TMCC3: variants seen among roughly 807,000 people sequenced by gnomAD.
The protein encoded by TMCC3 is transmembrane and coiled-coil domain protein 3.
In TMCC3, 28 loss-of-function variants were observed where a neutral mutation model predicts 40.2. That is an observed-to-expected ratio of 0.70 (90% CI 0.52 to 0.95). The LOEUF (loss-of-function observed/expected upper bound fraction) is 0.95, where lower values mean the gene tolerates loss of function less well. TMCC3 is among the 40% of genes least tolerant of loss of function. TMCC3 has a pLI of 0.00. For missense variants in TMCC3, 554 were observed against 615.2 expected (o/e 0.90, Z 1.05); for synonymous variants, 255 against 248.5 (o/e 1.03, Z -0.25).
intron 1 of TMCC3, among the ~76,000 whole-genome samples, chr12:94,640,478 C>A (rs1319485728): frequency 6.6e-6 from 1 of 152,156 alleles, no homozygotes; most frequent in African/African-American, 2.4e-5. Flanking sequence ...GCCACCACAC[C>A]CAGTGCTAAT....
chr12:94,622,067 G>T (rs779910127), intron 1 of TMCC3, among the ~76,000 whole-genome samples: 1 of 152,192 alleles, frequency 6.6e-6, no homozygotes, highest in Non-Finnish European at 1.5e-5. Flanking sequence ...AAAGTTTTCG[G>T]ATCACACCAT....
chr12:94,639,778 AAAG>A (rs1266101499), intron 1 of TMCC3, among the ~76,000 whole-genome samples: 3 of 151,142 alleles, frequency 2.0e-5, no homozygotes, highest in East Asian at 1.9e-4. Context: ...AAAAAAAAAA[AAAG>A]AAGAAGAAAA....
chr12:94,630,507 T>C (rs2068927415), intron 1 of TMCC3, among the ~76,000 whole-genome samples: 1 of 152,064 alleles, frequency 6.6e-6, no homozygotes, highest in Admixed American at 6.5e-5. Flanking sequence ...GCTTAACCCC[T>C]GTTTGAGCCT....
At chr12:94,619,930 G>A (rs963623134) in intron 1 of TMCC3, among the ~76,000 whole-genome samples, 13 of 152,108 alleles carry the variant, frequency 8.5e-5, no homozygotes, top group African/African-American at 2.2e-4. Context: ...TCAGGAGGCC[G>A]AGGCAGGTGG....
At position 94,582,008 on chromosome 12, in the gene TMCC3, G is replaced by A. The variant is rs1173494490; in HGVS notation, c.609C>T (p.Ser203=). 6.2e-7 allele frequency: 1 copy of A among 1,614,192 alleles called. No individual in the cohort carries two copies. Among genetic ancestry groups the A allele is most frequent in the African/African-American group, 1.3e-5 (1 of 75,038 alleles). ...TCCGGATCAGGTTGGCAAACTCTCT[G>A]GACTTATTGAAAACGAACACAGGTG... ...LTPPVFVFNK[S]REFANLIRNK... The change falls in exon 2 of 4, where the codon TCC becomes TCT. Residue 203 remains serine (S), a synonymous_variant. Transcript: ENST00000261226.
intron 1 of TMCC3, among the ~76,000 whole-genome samples, chr12:94,621,398 T>C (rs548520832): frequency 5.3e-5 from 8 of 152,328 alleles, no homozygotes; most frequent in African/African-American, 1.7e-4. Flanking sequence ...GGACAGAACC[T>C]GGACTGTGCA....
intron 1 of TMCC3, among the ~76,000 whole-genome samples, chr12:94,603,308 G>A (rs933788793): frequency 1.3e-5 from 2 of 151,964 alleles, no homozygotes; most frequent in African/African-American, 4.8e-5. Flanking sequence ...GTACAGACGG[G>A]GTTTTGCCAT....
intron 1 of TMCC3, among the ~76,000 whole-genome samples, chr12:94,624,042 A>G (rs1249108711): frequency 6.6e-6 from 1 of 152,264 alleles, no homozygotes; most frequent in African/African-American, 2.4e-5. Context: ...AACTGCTTTC[A>G]TTAAAAGAAA....
chr12:94,614,405 G>A (rs968447497), intron 1 of TMCC3, among the ~76,000 whole-genome samples: 2 of 152,094 alleles, frequency 1.3e-5, no homozygotes, highest in African/African-American at 4.8e-5. Flanking sequence ...CAGGCCACAA[G>A]TAATCCCCCT....
chr12:94,588,928 A>T (rs1255739127), intron 1 of TMCC3, among the ~76,000 whole-genome samples: 1 of 151,012 alleles, frequency 6.6e-6, no homozygotes, highest in Non-Finnish European at 1.5e-5. Flanking sequence ...GGTTCAAGTG[A>T]TTCTCCTGCC....
intron 1 of TMCC3, among the ~76,000 whole-genome samples, chr12:94,645,279 G>A (rs1594302314): frequency 6.6e-6 from 1 of 152,198 alleles, no homozygotes; most frequent in African/African-American, 2.4e-5. Flanking sequence ...ACGCAAGGAG[G>A]CACAAAATGC....
intron 1 of TMCC3, among the ~76,000 whole-genome samples, chr12:94,601,562 T>G (rs2068752434): frequency 6.6e-6 from 1 of 151,560 alleles, no homozygotes. Context: ...CAGTGACTCA[T>G]TCCTGTAATC....
chr12:94,620,577 T>C (rs1402465421), intron 1 of TMCC3, among the ~76,000 whole-genome samples: 1 of 152,030 alleles, frequency 6.6e-6, no homozygotes, highest in African/African-American at 2.4e-5. Context: ...CATGAGCTAC[T>C]GTGCAGGGCC....
At chr12:94,640,351 T>C (rs1031187051) in intron 1 of TMCC3, among the ~76,000 whole-genome samples, 1 of 152,126 alleles carries the variant, frequency 6.6e-6, no homozygotes, top group Non-Finnish European at 1.5e-5. Flanking sequence ...GTCCAGCTAA[T>C]TTTTGTATCT....
At chr12:94,642,661 C>T (rs2068996871) in intron 1 of TMCC3, among the ~76,000 whole-genome samples, 1 of 152,214 alleles carries the variant, frequency 6.6e-6, no homozygotes, top group Admixed American at 6.5e-5. Flanking sequence ...GAAATCACAC[C>T]CACGGTCTCT....
chr12:94,618,817 C>A (rs1234872355), intron 1 of TMCC3, among the ~76,000 whole-genome samples: 2 of 152,194 alleles, frequency 1.3e-5, no homozygotes, highest in Non-Finnish European at 2.9e-5. Flanking sequence ...CATATAGAAC[C>A]AAGATACCTT....
chr12:94,571,849 C>G (rs776809692), intron 3 of TMCC3, 112 bp from the exon 4 acceptor site: 1 of 1,101,474 alleles, frequency 9.1e-7, no homozygotes, highest in Non-Finnish European at 1.3e-6. Context: ...AATGCCCAGG[C>G]GGCTGCAAAT....
intron 1 of TMCC3, among the ~76,000 whole-genome samples, chr12:94,617,651 T>G (rs1334333723): frequency 6.6e-6 from 1 of 152,260 alleles, no homozygotes; most frequent in East Asian, 1.9e-4. Context: ...ACAAGTCATA[T>G]GAAAAACTAA....
chr12:94,641,983 C>T (rs2068993601), intron 1 of TMCC3, among the ~76,000 whole-genome samples: 1 of 151,728 alleles, frequency 6.6e-6, no homozygotes, highest in Non-Finnish European at 1.5e-5. Context: ...TGAATTGTCA[C>T]CCCTCTTTTC....
Sources: allele counts gnomAD v4.1 joint callset (sites outside exome capture counted in the v4.1 genomes callset), GRCh38; gene constraint gnomAD v4.1.1; transcripts MANE v1.5; gene names NCBI Gene and HGNC (gene_info 2026-07-23, HGNC 2026-07-21).